RBFOX1: variants seen among roughly 807,000 people sequenced by gnomAD.
The protein encoded by RBFOX1 is RNA binding fox-1 homolog 1, also known as RNA binding protein fox-1 homolog 1.
RBFOX1 carries 8 observed loss-of-function variants against 57.7 expected under a neutral mutation model. The observed-to-expected ratio is 0.14, with a 90% CI of 0.08 to 0.25. RBFOX1 has a LOEUF of 0.25. RBFOX1 is among the 10% of genes least tolerant of loss of function. RBFOX1 has a pLI of 1.00. For synonymous variants in RBFOX1, 326 were observed against 222.4 expected, an observed-to-expected ratio of 1.47 and a Z score of -4.15; for missense variants, 611 against 548.5, an observed-to-expected ratio of 1.11 and a Z score of -1.14.
intron 3 of RBFOX1, among the ~76,000 whole-genome samples, chr16:7,037,837 C>G (rs1160931246): frequency 6.6e-6 from 1 of 152,154 alleles, no homozygotes; most frequent in Non-Finnish European, 1.5e-5. Context: ...TCAAATGTCT[C>G]TCAGTTAATA....
intron 3 of RBFOX1, among the ~76,000 whole-genome samples, chr16:6,942,889 A>G (rs1259222611): frequency 6.6e-6 from 1 of 152,208 alleles, no homozygotes; most frequent in Admixed American, 6.5e-5. Context: ...CGCAGTTTGC[A>G]GTATACAAAG....
chr16:6,486,789 T>C (rs530503805), intron 2 of RBFOX1, among the ~76,000 whole-genome samples: 279 of 152,248 alleles, frequency 1.8e-3, no homozygotes, highest in Non-Finnish European at 2.6e-3. Flanking sequence ...TTCATTTTCA[T>C]GCAGGGTTGT....
At chr16:7,339,344 A>T (rs2096850226) in intron 4 of RBFOX1, among the ~76,000 whole-genome samples, 1 of 152,232 alleles carries the variant, frequency 6.6e-6, no homozygotes, top group Non-Finnish European at 1.5e-5. Flanking sequence ...ATCTCTTCCA[A>T]CAGGAAGTTG....
chr16:6,334,155 T>C (rs2152811960), intron 2 of RBFOX1, among the ~76,000 whole-genome samples: 1 of 152,206 alleles, frequency 6.6e-6, no homozygotes, highest in Middle Eastern at 3.4e-3. Flanking sequence ...CGGCTAGTGG[T>C]ACTTGGAAAG....
At chr16:7,589,964 T>C (rs977769330) in intron 7 of RBFOX1, among the ~76,000 whole-genome samples, 4 of 148,678 alleles carry the variant, frequency 2.7e-5, no homozygotes, top group Non-Finnish European at 6.0e-5. Flanking sequence ...TGCGGACATA[T>C]AAACCCATAT....
chr16:7,657,075 C>G (rs2066493292), intron 12 of RBFOX1, among the ~76,000 whole-genome samples: 2 of 152,104 alleles, frequency 1.3e-5, no homozygotes, highest in Non-Finnish European at 2.9e-5. Flanking sequence ...TCTGTTCTTC[C>G]TGAAGTATCC....
At chr16:7,607,563 C>G (rs1011067883) in intron 10 of RBFOX1, among the ~76,000 whole-genome samples, 2 of 152,258 alleles carry the variant, frequency 1.3e-5, no homozygotes, top group African/African-American at 4.8e-5. Flanking sequence ...AGCCACTGCT[C>G]CTTAGGACAA....
At chr16:7,495,084 C>A (rs1370956372) in intron 4 of RBFOX1, among the ~76,000 whole-genome samples, 2 of 152,078 alleles carry the variant, frequency 1.3e-5, no homozygotes, top group South Asian at 2.1e-4. Context: ...GTTTTCTGTT[C>A]CTGCATTAAT....
intron 1 of RBFOX1, among the ~76,000 whole-genome samples, chr16:6,185,594 G>C (rs769183712): frequency 6.6e-6 from 1 of 152,046 alleles, no homozygotes; most frequent in Non-Finnish European, 1.5e-5. Context: ...GATCAGCGTG[G>C]GTTTAAGTAC....
chr16:7,243,515 C>T (rs2094157594), intron 4 of RBFOX1, among the ~76,000 whole-genome samples: 1 of 152,056 alleles, frequency 6.6e-6, no homozygotes, highest in African/African-American at 2.4e-5. Context: ...AGAAGGGCTC[C>T]CCAGGAAGTT....
intron 1 of RBFOX1, among the ~76,000 whole-genome samples, chr16:6,210,241 C>A (rs762495768): frequency 4.7e-5 from 7 of 149,038 alleles, no homozygotes; most frequent in African/African-American, 1.7e-4. Context: ...TCAACTGCAC[C>A]CAGGAGGTAG....
intron 3 of RBFOX1, among the ~76,000 whole-genome samples, chr16:5,750,931 T>C (rs2053175728): frequency 6.6e-6 from 1 of 152,190 alleles, no homozygotes; most frequent in South Asian, 2.1e-4. Flanking sequence ...AATTCAGAAA[T>C]TACCTGTCTT....
chr16:6,041,126 C>T (rs547669104), intron 1 of RBFOX1, among the ~76,000 whole-genome samples: 1 of 152,178 alleles, frequency 6.6e-6, no homozygotes, highest in Non-Finnish European at 1.5e-5. Flanking sequence ...CTGCTCTCCC[C>T]CTGCAGGTTC....
intron 3 of RBFOX1, among the ~76,000 whole-genome samples, chr16:7,042,563 C>T (rs747472525): frequency 2.0e-5 from 3 of 152,200 alleles, no homozygotes; most frequent in African/African-American, 4.8e-5. Flanking sequence ...AACTGTTTAG[C>T]ACATTTTATG....
chr16:7,133,112 G>A (rs534380661), intron 4 of RBFOX1, among the ~76,000 whole-genome samples: 3 of 152,316 alleles, frequency 2.0e-5, no homozygotes, highest in African/African-American at 7.2e-5. Context: ...TGGTTTGTAT[G>A]CATCAAAAAT....
intron 5 of RBFOX1, among the ~76,000 whole-genome samples, chr16:7,535,397 T>G (rs1480046279): frequency 6.6e-6 from 1 of 152,168 alleles, no homozygotes; most frequent in African/African-American, 2.4e-5. Context: ...GCCAACCAAG[T>G]TTCCAGACAT....
At chr16:7,441,196 T>C (rs1326837101) in intron 4 of RBFOX1, among the ~76,000 whole-genome samples, 3 of 152,202 alleles carry the variant, frequency 2.0e-5, no homozygotes, top group Non-Finnish European at 4.4e-5. Context: ...AAATTAATGC[T>C]GCATGCGCAT....
intron 3 of RBFOX1, among the ~76,000 whole-genome samples, chr16:5,805,744 G>A (rs1203247553): frequency 1.3e-5 from 2 of 152,166 alleles, no homozygotes; most frequent in Non-Finnish European, 1.5e-5. Context: ...AATGAGTCAA[G>A]TCATAACCAA....
chr16:6,834,586 T>G (rs917956976), intron 3 of RBFOX1, among the ~76,000 whole-genome samples: 2 of 152,136 alleles, frequency 1.3e-5, no homozygotes, highest in African/African-American at 4.8e-5. Context: ...AAAGAAACCT[T>G]GCAGAAACTT....
Sources: gnomAD v4.1 joint callset for allele counts (sites outside exome capture counted in the v4.1 genomes callset) on GRCh38, gnomAD v4.1.1 for gene constraint, MANE v1.5 for transcripts, NCBI Gene and HGNC (gene_info 2026-07-23, HGNC 2026-07-21) for gene names.